XKR9: variants seen among roughly 807,000 people sequenced by gnomAD.
XKR9 encodes the protein XK related 9.
A neutral mutation model predicts 32.0 loss-of-function variants in XKR9; 32 were observed. The ratio of observed to expected loss-of-function variants is 1.00; its 90% confidence interval spans 0.76 to 1.34. The LOEUF (loss-of-function observed/expected upper bound fraction) is 1.34. Among genes scored for constraint, XKR9 ranks in the 40% most tolerant of loss-of-function variants. The probability of loss-of-function intolerance (pLI) is 0.00; values close to 1 mark genes in which losing one functional copy is unlikely to be tolerated. For missense variants in XKR9, 546 were observed against 429.7 expected, an observed-to-expected ratio of 1.27 and a Z score of -2.39; for synonymous variants, 168 against 143.4, an observed-to-expected ratio of 1.17 and a Z score of -1.22.
chr8:70,885,503 A>G, the XKR9 span, among the ~76,000 whole-genome samples: 1 of 152,052 alleles, frequency 6.6e-6, no homozygotes, highest in African/African-American at 2.4e-5. Flanking sequence ...GCACCTATCA[A>G]TCTGTCATCT....
the XKR9 span, among the ~76,000 whole-genome samples, chr8:70,930,541 T>C: frequency 2.0e-3 from 303 of 152,312 alleles, no homozygotes; most frequent in Non-Finnish European, 3.8e-3. Flanking sequence ...CAAAGTGATA[T>C]CAGGCTGTGT....
intron 4 of XKR9, among the ~76,000 whole-genome samples, 163 bp from the exon 5 acceptor site, chr8:70,733,633 C>T (rs1806745595): frequency 6.6e-6 from 1 of 151,988 alleles, no homozygotes; most frequent in African/African-American, 2.4e-5. Flanking sequence ...AGTCTCAGTT[C>T]CCCCATACAT....
chr8:70,701,491 G>C (rs1805533478), intron 3 of XKR9, among the ~76,000 whole-genome samples: 1 of 152,118 alleles, frequency 6.6e-6, no homozygotes, highest in African/African-American at 2.4e-5. Context: ...ACTGCTTCTA[G>C]TCAGCCATCT....
intron 3 of XKR9, among the ~76,000 whole-genome samples, chr8:70,700,694 G>A (rs1805492246): frequency 6.6e-6 from 1 of 152,222 alleles, no homozygotes; most frequent in Non-Finnish European, 1.5e-5. Flanking sequence ...CGTGCTGGGA[G>A]AACCACTGCT....
the XKR9 span, among the ~76,000 whole-genome samples, chr8:71,060,883 T>TA: frequency 1.3e-5 from 2 of 152,192 alleles, no homozygotes; most frequent in African/African-American, 2.4e-5. Flanking sequence ...TGTTTGCACT[T>TA]ACGTAGTCTG....
Position 70,734,599 on chromosome 8 carries a change from T to G in XKR9, c.*175T>G. On this transcript the variant is annotated 3_prime_UTR_variant, in exon 5 of 5. Coordinates refer to ENST00000408926, the MANE Select transcript of XKR9 (RefSeq NM_001011720.2). ...TTTTAAAATTAATTTCTCATTTGGT[T>G]TTGAAGATCTTGAGTACTCAGATAT... is the stretch of plus-strand genomic sequence containing the variant. 2 of 866,092 alleles carry G rather than the reference T, an allele frequency of 2.3e-6. No homozygotes were observed. The highest frequency in any genetic ancestry group is 3.0e-6 in the Non-Finnish European group (2 of 663,170). 53.7% of individuals were successfully genotyped at this position (866,092 alleles called of 1,614,324 possible).
the XKR9 span, among the ~76,000 whole-genome samples, chr8:70,951,317 T>C: frequency 6.6e-6 from 1 of 152,246 alleles, no homozygotes; most frequent in Non-Finnish European, 1.5e-5. Context: ...TTTGTGATTG[T>C]TTTTTAATTT....
downstream of XKR9, chr8:70,736,054 A>G (rs1256504055): frequency 3.3e-5 from 5 of 152,196 alleles, no homozygotes; most frequent in African/African-American, 9.6e-5. Flanking sequence ...CTTCCACAAT[A>G]GTTGAACGAG....
intron 3 of XKR9, among the ~76,000 whole-genome samples, chr8:70,686,511 T>A (rs930077912): frequency 1.3e-5 from 2 of 151,860 alleles, no homozygotes; most frequent in Admixed American, 1.3e-4. Flanking sequence ...TGGCCCGATA[T>A]TGGCTCACTG....
At chr8:70,977,402 T>G in the XKR9 span, among the ~76,000 whole-genome samples, 1 of 152,352 alleles carries the variant, frequency 6.6e-6, no homozygotes, top group South Asian at 2.1e-4. Flanking sequence ...TGAATTTCCC[T>G]CTACACAATG....
chr8:71,049,214 G>A, the XKR9 span, among the ~76,000 whole-genome samples: 3 of 152,176 alleles, frequency 2.0e-5, no homozygotes, highest in Non-Finnish European at 4.4e-5. Context: ...CAAGCATTAA[G>A]TGAGGATTGA....
chr8:70,791,821 A>T (rs1302482714), downstream of XKR9, among the ~76,000 whole-genome samples: 1 of 152,136 alleles, frequency 6.6e-6, no homozygotes, highest in East Asian at 1.9e-4. Context: ...ATTGTATAAA[A>T]TTCAGCAACA....
intron 4 of XKR9, among the ~76,000 whole-genome samples, chr8:70,719,973 C>T (rs1252197225): frequency 6.6e-6 from 1 of 151,952 alleles, no homozygotes; most frequent in East Asian, 1.9e-4. Flanking sequence ...CTTTTATTTC[C>T]TTGAACAGTG....
At chr8:70,920,288 A>G in the XKR9 span, among the ~76,000 whole-genome samples, 13 of 152,350 alleles carry the variant, frequency 8.5e-5, no homozygotes, top group South Asian at 6.2e-4. Context: ...TGAAAGCCAG[A>G]CATTACATTA....
At chr8:70,923,247 T>C in the XKR9 span, among the ~76,000 whole-genome samples, 1 of 152,244 alleles carries the variant, frequency 6.6e-6, no homozygotes, top group African/African-American at 2.4e-5. Context: ...TTAACACAGA[T>C]ATATGAACAA....
chr8:70,737,027 G>C (rs1806875795), downstream of XKR9, among the ~76,000 whole-genome samples: 1 of 152,074 alleles, frequency 6.6e-6, no homozygotes. Flanking sequence ...AGCTTTATGG[G>C]GATGACATTG....
At chr8:70,700,323 T>C (rs1370509444) in intron 3 of XKR9, among the ~76,000 whole-genome samples, 1 of 152,186 alleles carries the variant, frequency 6.6e-6, no homozygotes, top group Non-Finnish European at 1.5e-5. Context: ...TTATCTACTT[T>C]TGGTCTTTGA....
chr8:70,830,352 G>A, the XKR9 span, among the ~76,000 whole-genome samples: 1 of 152,148 alleles, frequency 6.6e-6, no homozygotes, highest in Admixed American at 6.5e-5. Flanking sequence ...AAGCCAAGGT[G>A]GGAGGATCCC....
the XKR9 span, among the ~76,000 whole-genome samples, chr8:70,812,977 A>G: frequency 6.6e-6 from 1 of 152,198 alleles, no homozygotes; most frequent in Non-Finnish European, 1.5e-5. Flanking sequence ...AAGAGCCTGC[A>G]TTGCCAAGTC....
Sources: gnomAD v4.1 joint callset for allele counts (sites outside exome capture counted in the v4.1 genomes callset) on GRCh38, gnomAD v4.1.1 for gene constraint, MANE v1.5 for transcripts, NCBI Gene and HGNC (gene_info 2026-07-23, HGNC 2026-07-21) for gene names.